CAT: variants seen among roughly 807,000 people sequenced by gnomAD.
The protein encoded by CAT is catalase.
Under a neutral mutation model 59.0 loss-of-function variants are expected in CAT, and 43 were observed. The ratio of observed to expected loss-of-function variants is 0.73; its 90% CI spans 0.57 to 0.94. The LOEUF is 0.94. Among genes scored for constraint, CAT ranks in the 40% least tolerant of loss-of-function variants. The pLI, the probability that CAT is intolerant of heterozygous loss-of-function variation, is 0.00. For synonymous variants in CAT, 218 were observed against 230.9 expected (o/e 0.94, Z 0.51); for missense variants, 664 against 682.9 (o/e 0.97, Z 0.31).
chr11:34,453,342 G>A, intron 5 of CAT, 148 bp downstream of exon 5: 1 of 726,790 alleles, frequency 1.4e-6, no homozygotes, highest in Non-Finnish European at 2.5e-6. Flanking sequence ...GTAGTAACTG[G>A]CTTTACTAAT....
chr11:34,468,693 T>C (rs760378224), intron 11 of CAT, among the ~76,000 whole-genome samples: 4 of 152,202 alleles, frequency 2.6e-5, no homozygotes, highest in African/African-American at 9.7e-5. Context: ...CTGTGCAAGA[T>C]AGTAAATGTG....
chr11:34,468,738 T>G (rs905166837), intron 11 of CAT, among the ~76,000 whole-genome samples: 7 of 152,154 alleles, frequency 4.6e-5, no homozygotes, highest in African/African-American at 7.2e-5. Flanking sequence ...GCAATTCTAC[T>G]TAAACTTTGG....
rs923722580 is a variant in CAT at position 34,461,405 on chromosome 11, T to C, written c.1195+16T>C. ...GACAATCAGGGTAGGCCTAAAGACG[T>C]TGGGCTCCCCCTGCGTGGGCAGAGG... On this transcript the variant is annotated intron_variant, in intron 9 of 12. Transcript: ENST00000241052. 1.7e-5 allele frequency: 28 copies of C among 1,613,930 alleles called. No individual in the cohort carries two copies. The highest frequency in any genetic ancestry group is 2.2e-5 in the Non-Finnish European group (26 of 1,179,982).
intron 4 of CAT, 54 bp from the exon 5 acceptor site, chr11:34,453,036 C>A: frequency 9.7e-7 from 1 of 1,033,980 alleles, no homozygotes; most frequent in Non-Finnish European, 1.5e-6. Flanking sequence ...TGAAAGACAC[C>A]ATAATTCCTG....
rs948509155 is a variant in CAT, at chr11:34,460,033, A to G, written c.1057-1218A>G. Reference sequence around the variant, plus strand: ...TCTGTTGGTATCAGTGATTTGGAACAAAGTTATTGCTTAAGTTGCCCTATT... The same window carrying G: ...TCTGTTGGTATCAGTGATTTGGAACGAAGTTATTGCTTAAGTTGCCCTATT... On this transcript the variant is annotated intron_variant, in intron 8 of 12. Transcript: ENST00000241052. Among the ~76,000 whole-genome samples the G allele has an allele frequency of 4.6e-5, 7 of 152,222 alleles. No individual in the cohort carries two copies. In the East Asian group the frequency reaches 1.2e-3, roughly 25 times the overall value.
chr11:34,453,959 G>C (rs1446938759), intron 6 of CAT, 33 bp downstream of exon 6: 2 of 1,609,632 alleles, frequency 1.2e-6, no homozygotes, highest in Non-Finnish European at 1.7e-6. Flanking sequence ...AGGGTACAAG[G>C]CTCCTACCGC....
At chr11:34,471,192 A>T in intron 12 of CAT, 151 bp downstream of exon 12, 1 of 908,616 alleles carries the variant, frequency 1.1e-6, no homozygotes. Context: ...CATTTGAGAG[A>T]TAAAGAATTC....
chr11:34,443,913 A>G (rs1179710979), intron 1 of CAT, among the ~76,000 whole-genome samples: 2 of 152,176 alleles, frequency 1.3e-5, no homozygotes, highest in Admixed American at 6.5e-5. Flanking sequence ...TTCTCCTGAA[A>G]TATACCTAGG....
chr11:34,461,171 T>C lies in CAT; in HGVS notation c.1057-80T>C. ...TGTACAGAGTGCTTTGTACTTCAAA[T>C]TTCAGAATGAAGTTTACAGCCCATT... On this transcript the variant is annotated intron_variant, in intron 8 of 12. Coordinates refer to ENST00000241052, the MANE Select transcript of CAT (RefSeq NM_001752.4). 4 of 1,492,268 alleles carry C rather than the reference T, an allele frequency of 2.7e-6. No homozygotes were observed. The East Asian group carries it at 9.0e-5, about 34-fold the overall frequency. 92.4% of individuals were successfully genotyped at this position (1,492,268 alleles called of 1,614,324 possible).
intron 4 of CAT, 23 bp downstream of exon 4, chr11:34,452,230 CT>C (rs1260875682): frequency 6.2e-7 from 1 of 1,610,092 alleles, no homozygotes; most frequent in African/African-American, 1.3e-5. Flanking sequence ...GTATTTTGCA[CT>C]CAACAAATGT....
chr11:34,463,900 A>G (rs1252629669), intron 9 of CAT, among the ~76,000 whole-genome samples: 2 of 152,210 alleles, frequency 1.3e-5, no homozygotes, highest in Non-Finnish European at 2.9e-5. Flanking sequence ...CATTTAGCAG[A>G]TGGCAGCGTT....
chr11:34,461,009 C>T, intron 8 of CAT: 1 of 561,910 alleles, frequency 1.8e-6, no homozygotes, highest in Non-Finnish European at 3.2e-6. Context: ...GATATTATTA[C>T]CAAAAACAGA....
chr11:34,453,195 G>A lies in CAT; in HGVS notation c.585+1G>A, dbSNP rs749223971. 1.9e-6 allele frequency: 3 copies of A among 1,579,962 alleles called. No homozygotes were observed. Among genetic ancestry groups the A allele is most frequent in the Admixed American group, 1.7e-5 (1 of 59,988 alleles). On this transcript the variant is annotated splice_donor_variant, in intron 5 of 12. Coordinates refer to ENST00000241052, the MANE Select transcript of CAT (RefSeq NM_001752.4). LOFTEE classifies it high-confidence loss of function. ...CCTACGTCCTGAGTCTCTGCATCAG[G>A]TATGAACCCTTTTTTGCCATTGTAT...
intron 11 of CAT, among the ~76,000 whole-genome samples, chr11:34,470,549 G>A (rs542353439): frequency 6.6e-6 from 1 of 152,304 alleles, no homozygotes; most frequent in South Asian, 2.1e-4. Context: ...TCTTCCTGGT[G>A]TGAGCCTCCA....
chr11:34,439,188 C>A, intron 1 of CAT, 109 bp downstream of exon 1: 1 of 1,030,480 alleles, frequency 9.7e-7, no homozygotes. Context: ...GACTGTACCG[C>A]GGCTCACTGG....
intron 10 of CAT, among the ~76,000 whole-genome samples, chr11:34,464,887 A>G (rs1018658420): frequency 6.6e-6 from 1 of 150,474 alleles, no homozygotes; most frequent in Admixed American, 6.6e-5. Context: ...CAACATGTCT[A>G]TCTCTAGATT....
intron 1 of CAT, among the ~76,000 whole-genome samples, chr11:34,440,552 TTTTTC>T (rs1200716912): frequency 9.2e-5 from 14 of 151,934 alleles, no homozygotes; most frequent in African/African-American, 1.7e-4. Context: ...TTTCTTTTTC[TTTTTC>T]TTTTCTTTTC....
At chr11:34,439,268 G>T (rs748642827) in intron 1 of CAT, among the ~76,000 whole-genome samples, 189 bp downstream of exon 1, 1 of 152,210 alleles carries the variant, frequency 6.6e-6, no homozygotes, top group Non-Finnish European at 1.5e-5. Flanking sequence ...GGTCCGGGTA[G>T]TGGGGCGCGG....
intron 10 of CAT, among the ~76,000 whole-genome samples, chr11:34,465,703 G>T (rs1303537739): frequency 6.6e-6 from 1 of 152,154 alleles, no homozygotes; most frequent in Non-Finnish European, 1.5e-5. Context: ...TGTATCACAT[G>T]GGAAATACAT....
Sources: allele counts gnomAD v4.1 joint callset (sites outside exome capture counted in the v4.1 genomes callset), GRCh38; gene constraint gnomAD v4.1.1; transcripts MANE v1.5; gene names NCBI Gene and HGNC (gene_info 2026-07-23, HGNC 2026-07-21).